LRMDA: variants seen among roughly 807,000 people sequenced by gnomAD.
LRMDA encodes the protein leucine rich melanocyte differentiation associated.
A neutral mutation model predicts 29.8 loss-of-function variants in LRMDA; 18 were observed. The observed-to-expected ratio is 0.60, with a 90% CI of 0.42 to 0.90. The LOEUF is 0.90. LRMDA is among the 40% of genes least tolerant of loss of function. LRMDA has a pLI of 0.00. For missense variants in LRMDA, 273 were observed against 273.9 expected, an observed-to-expected ratio of 1.00 and a Z score of 0.02; for synonymous variants, 125 against 109.4, an observed-to-expected ratio of 1.14 and a Z score of -0.89.
intron 5 of LRMDA, among the ~76,000 whole-genome samples, chr10:76,175,455 G>C (rs1037511149): frequency 6.6e-6 from 1 of 152,106 alleles, no homozygotes; most frequent in Non-Finnish European, 1.5e-5. Flanking sequence ...GTAAGTGCTC[G>C]CATTAACTAT....
chr10:76,232,381 A>G (rs1374237115), intron 5 of LRMDA, among the ~76,000 whole-genome samples: 3 of 152,262 alleles, frequency 2.0e-5, no homozygotes, highest in Non-Finnish European at 4.4e-5. Context: ...TAAATTTATT[A>G]CATGCATAGG....
intron 6 of LRMDA, among the ~76,000 whole-genome samples, chr10:76,451,876 C>T (rs905974461): frequency 9.2e-5 from 14 of 151,486 alleles, no homozygotes; most frequent in African/African-American, 2.9e-4. Flanking sequence ...AGGCTGGTCT[C>T]GATCTCCCGA....
intron 6 of LRMDA, among the ~76,000 whole-genome samples, chr10:76,410,894 C>T (rs1444597005): frequency 8.6e-5 from 13 of 151,960 alleles, no homozygotes; most frequent in African/African-American, 9.7e-5. Context: ...TGCAGTGAGC[C>T]GAGATCGCAC....
intron 2 of LRMDA, among the ~76,000 whole-genome samples, chr10:75,465,069 C>A (rs1408347317): frequency 6.6e-6 from 1 of 152,098 alleles, no homozygotes; most frequent in African/African-American, 2.4e-5. Context: ...CCTGGCTGAC[C>A]CTTAAATGCT....
intron 2 of LRMDA, among the ~76,000 whole-genome samples, chr10:75,793,549 G>T (rs944552560): frequency 6.6e-6 from 1 of 152,200 alleles, no homozygotes; most frequent in Admixed American, 6.5e-5. Flanking sequence ...CCACTTTCAG[G>T]CACATGTATA....
At chr10:76,337,965 C>T (rs548736607) in intron 6 of LRMDA, among the ~76,000 whole-genome samples, 38 of 152,008 alleles carry the variant, frequency 2.5e-4, no homozygotes, top group African/African-American at 9.2e-4. Flanking sequence ...ACCATCTCAG[C>T]CTAATGGCTT....
intron 2 of LRMDA, among the ~76,000 whole-genome samples, chr10:75,864,226 C>T (rs1844982575): frequency 6.6e-6 from 1 of 152,298 alleles, no homozygotes; most frequent in East Asian, 1.9e-4. Flanking sequence ...TGTTAGGGAA[C>T]TTCTAATAAT....
At chr10:76,210,412 C>G (rs1377958173) in intron 5 of LRMDA, among the ~76,000 whole-genome samples, 1 of 152,094 alleles carries the variant, frequency 6.6e-6, no homozygotes, top group Non-Finnish European at 1.5e-5. Flanking sequence ...TTCTTTTTTT[C>G]CTGCCTGGCA....
intron 6 of LRMDA, among the ~76,000 whole-genome samples, chr10:76,325,125 A>G (rs886425479): frequency 6.6e-6 from 1 of 152,204 alleles, no homozygotes; most frequent in African/African-American, 2.4e-5. Flanking sequence ...TTGTTTCCCC[A>G]AGAAGGAAAT....
At chr10:76,271,660 C>T (rs1840069623) in intron 5 of LRMDA, among the ~76,000 whole-genome samples, 1 of 152,134 alleles carries the variant, frequency 6.6e-6, no homozygotes, top group Non-Finnish European at 1.5e-5. Flanking sequence ...CAGGCTTGGA[C>T]ATTGCATAGC....
chr10:75,626,698 C>T (rs1418871073), intron 2 of LRMDA, among the ~76,000 whole-genome samples: 2 of 152,198 alleles, frequency 1.3e-5, no homozygotes, highest in Non-Finnish European at 2.9e-5. Flanking sequence ...CCACTGTCCA[C>T]AGCTTTCCCT....
chr10:76,424,002 A>C (rs1842097666), intron 6 of LRMDA, among the ~76,000 whole-genome samples: 1 of 152,150 alleles, frequency 6.6e-6, no homozygotes, highest in South Asian at 2.1e-4. Context: ...TGTGATCCCA[A>C]GTTCTGGTTC....
chr10:76,192,011 G>A (rs755617140), intron 5 of LRMDA, among the ~76,000 whole-genome samples: 2 of 152,234 alleles, frequency 1.3e-5, no homozygotes, highest in African/African-American at 2.4e-5. Context: ...TCTCGCGTGC[G>A]GTATGCCTGT....
intron 2 of LRMDA, among the ~76,000 whole-genome samples, chr10:75,777,804 G>C (rs4745796): frequency 0.64 from 97,793 of 152,054 alleles, 31,961 homozygotes; most frequent in South Asian, 0.77. Context: ...CATGATGAAG[G>C]CTATGTGACT....
intron 6 of LRMDA, among the ~76,000 whole-genome samples, chr10:76,457,747 G>A (rs559573095): frequency 3.9e-5 from 6 of 152,204 alleles, no homozygotes; most frequent in South Asian, 2.1e-4. Context: ...ACAAGGTTAC[G>A]TCTCAATCAG....
At chr10:76,047,533 T>A (rs1301506649) in intron 4 of LRMDA, among the ~76,000 whole-genome samples, 2 of 152,250 alleles carry the variant, frequency 1.3e-5, no homozygotes, top group African/African-American at 4.8e-5. Flanking sequence ...TTTTGTGAAG[T>A]GCCAGATATT....
At chr10:75,443,143 T>C (rs1333409158) in intron 2 of LRMDA, among the ~76,000 whole-genome samples, 1 of 152,188 alleles carries the variant, frequency 6.6e-6, no homozygotes, top group Non-Finnish European at 1.5e-5. Context: ...GATCATGTCA[T>C]CTGCAAACAG....
At chr10:76,294,202 G>A (rs1265972228) in intron 5 of LRMDA, among the ~76,000 whole-genome samples, 1 of 152,220 alleles carries the variant, frequency 6.6e-6, no homozygotes, top group Non-Finnish European at 1.5e-5. Flanking sequence ...GTGTGTGTGT[G>A]TTTGTGTTAA....
chr10:75,749,723 C>T (rs1487395134), intron 2 of LRMDA, among the ~76,000 whole-genome samples: 3 of 151,380 alleles, frequency 2.0e-5, no homozygotes, highest in African/African-American at 7.3e-5. Flanking sequence ...GGAAGGTCAG[C>T]AGATAAACAT....
Sources: allele counts gnomAD v4.1 joint callset (sites outside exome capture counted in the v4.1 genomes callset), GRCh38; gene constraint gnomAD v4.1.1; transcripts MANE v1.5; gene names NCBI Gene and HGNC (gene_info 2026-07-23, HGNC 2026-07-21).